The following LNX1 variants were observed in gnomAD, a reference collection of about 807,000 sequenced individuals.
The protein encoded by LNX1 is ligand of numb-protein X 1.
In LNX1, 54 loss-of-function variants were observed where a neutral mutation model predicts 68.4. The observed-to-expected ratio is 0.79, with a 90% CI of 0.63 to 0.99. LNX1 has a LOEUF of 0.99. LNX1 is among the 50% of genes least tolerant of loss of function. The pLI is 0.00. For missense variants in LNX1, 906 were observed against 926.4 expected (o/e 0.98, Z 0.29); for synonymous variants, 336 against 350.0 (o/e 0.96, Z 0.45).
At chr4:53,620,746 GA>G (rs1415722238), upstream of LNX1, among the ~76,000 whole-genome samples, 1 of 151,412 alleles carries the variant, frequency 6.6e-6, no homozygotes, top group East Asian at 1.9e-4. Flanking sequence ...ATGTATGAAG[GA>G]AAAAAAAGAC....
At chr4:53,557,866 G>A (rs1438623675) in intron 2 of LNX1, 1 of 1,612,602 alleles carries the variant, frequency 6.2e-7, no homozygotes. Flanking sequence ...GACAGAGAGG[G>A]GACTCACAGT....
chr4:53,487,156 T>C (rs1330695975), intron 6 of LNX1, among the ~76,000 whole-genome samples: 1 of 149,174 alleles, frequency 6.7e-6, no homozygotes, highest in African/African-American at 2.5e-5. Flanking sequence ...AAGTCAAACA[T>C]GCCACCACAC....
intron 2 of LNX1, among the ~76,000 whole-genome samples, chr4:53,615,362 G>A (rs1054051116): frequency 6.6e-6 from 1 of 152,146 alleles, no homozygotes; most frequent in African/African-American, 2.4e-5. Context: ...TGGCTTTGGG[G>A]CACTGTGGGG....
chr4:53,620,367 T>C (rs1972815), upstream of LNX1, among the ~76,000 whole-genome samples: 110,960 of 152,150 alleles, frequency 0.73, 40,870 homozygotes, highest in East Asian at 0.91. Context: ...GAATTACAAA[T>C]GCTGGGAGTG....
At chr4:53,647,386 CTT>C (rs1734924812) in intron 1 of LNX1, among the ~76,000 whole-genome samples, 1 of 152,164 alleles carries the variant, frequency 6.6e-6, no homozygotes, top group African/African-American at 2.4e-5. Context: ...CTCTCTCTCT[CTT>C]TTTCTCCCTC....
chr4:53,469,510 T>C (rs2150567197), intron 9 of LNX1, among the ~76,000 whole-genome samples: 1 of 151,830 alleles, frequency 6.6e-6, no homozygotes, highest in South Asian at 2.1e-4. Flanking sequence ...CTGAAGAAAA[T>C]AGAGACACAA....
At chr4:53,577,625 G>C (rs1731579573) in intron 1 of LNX1, among the ~76,000 whole-genome samples, 1 of 152,044 alleles carries the variant, frequency 6.6e-6, no homozygotes, top group African/African-American at 2.4e-5. Context: ...ATGTTGACCA[G>C]GCTGGTCTTG....
intron 2 of LNX1, among the ~76,000 whole-genome samples, chr4:53,608,119 G>A (rs1733305422): frequency 6.6e-6 from 1 of 151,414 alleles, no homozygotes; most frequent in Non-Finnish European, 1.5e-5. Flanking sequence ...TGACACATGG[G>A]ACCTAGTTAA....
At chr4:53,541,062 G>C (rs1414589433) in intron 2 of LNX1, among the ~76,000 whole-genome samples, 1 of 151,200 alleles carries the variant, frequency 6.6e-6, no homozygotes, top group Non-Finnish European at 1.5e-5. Context: ...CCTTGAACCT[G>C]GGCGGCAGAG....
intron 6 of LNX1, among the ~76,000 whole-genome samples, chr4:53,494,038 A>G (rs1724883146): frequency 1.3e-5 from 2 of 152,058 alleles, no homozygotes; most frequent in African/African-American, 2.4e-5. Flanking sequence ...TCCAGGTACT[A>G]TTTATCATTT....
chr4:53,566,198 A>C (rs1346400701), intron 2 of LNX1, among the ~76,000 whole-genome samples: 8 of 151,974 alleles, frequency 5.3e-5, no homozygotes, highest in Admixed American at 4.6e-4. Context: ...CATAATTGTC[A>C]GATTCACCAA....
chr4:53,543,208 C>G (rs975319711), intron 2 of LNX1, among the ~76,000 whole-genome samples: 3 of 152,220 alleles, frequency 2.0e-5, no homozygotes, highest in Non-Finnish European at 2.9e-5. Context: ...GGCTGGCTCC[C>G]TTCCTCACTT....
chr4:53,576,300 G>A, intron 1 of LNX1: 1 of 1,613,328 alleles, frequency 6.2e-7, no homozygotes, highest in Non-Finnish European at 8.5e-7. Flanking sequence ...CCATAGCCAA[G>A]TTCCAGGAGC....
At chr4:53,508,835 A>G (rs1726115045) in intron 2 of LNX1, among the ~76,000 whole-genome samples, 1 of 152,198 alleles carries the variant, frequency 6.6e-6, no homozygotes. Flanking sequence ...CCATGATCTG[A>G]GAAGTGTCAT....
intron 1 of LNX1, among the ~76,000 whole-genome samples, chr4:53,646,976 G>T (rs1186299254): frequency 6.6e-6 from 1 of 152,244 alleles, no homozygotes; most frequent in African/African-American, 2.4e-5. Flanking sequence ...AAGGCAGGAA[G>T]TGTCCCGGCA....
intron 1 of LNX1, chr4:53,576,357 G>A (rs1217560274): frequency 1.2e-6 from 2 of 1,601,130 alleles, no homozygotes; most frequent in South Asian, 1.1e-5. Context: ...CAGATCTGGA[G>A]AAGAGGTGTG....
At chr4:53,527,464 TGGTGCTG>T (rs1294387203) in intron 2 of LNX1, among the ~76,000 whole-genome samples, 3 of 152,208 alleles carry the variant, frequency 2.0e-5, no homozygotes, top group Non-Finnish European at 2.9e-5. Context: ...TCTACGAGCC[TGGTGCTG>T]ACTCCTGGTG....
chr4:53,585,531 T>C (rs1252797148), intron 1 of LNX1, among the ~76,000 whole-genome samples: 1 of 152,166 alleles, frequency 6.6e-6, no homozygotes, highest in Non-Finnish European at 1.5e-5. Flanking sequence ...GAAGGTGTCA[T>C]GAGGTTTAGG....
At chr4:53,625,844 CGTGTGTGTGTGT>C (rs59366709) in intron 1 of LNX1, among the ~76,000 whole-genome samples, 10 of 144,166 alleles carry the variant, frequency 6.9e-5, no homozygotes, top group African/African-American at 2.1e-4. Flanking sequence ...AATTCCACCC[CGTGTGTGTGTGT>C]GTGTGTGTGT....
Sources: allele counts gnomAD v4.1 joint callset (sites outside exome capture counted in the v4.1 genomes callset), GRCh38; gene constraint gnomAD v4.1.1; transcripts MANE v1.5; gene names NCBI Gene and HGNC (gene_info 2026-07-23, HGNC 2026-07-21).